Variants in PDCD10 observed in about 807,000 individuals in gnomAD.
PDCD10 encodes the protein programmed cell death protein 10.
A neutral mutation model predicts 29.2 loss-of-function variants in PDCD10; 4 were observed. The ratio of observed to expected loss-of-function variants is 0.14; its 90% CI spans 0.07 to 0.31. The LOEUF (loss-of-function observed/expected upper bound fraction) is 0.31, where lower values mean the gene tolerates loss of function less well. Among genes scored for constraint, PDCD10 ranks in the 10% least tolerant of loss-of-function variants. The pLI is 1.00. For synonymous variants in PDCD10, 70 were observed against 82.2 expected (o/e 0.85, Z 0.80); for missense variants, 183 against 257.9 (o/e 0.71, Z 1.99).
chr3:167,687,401 C>A, intron 7 of PDCD10, 85 bp from the exon 8 acceptor site: 1 of 846,306 alleles, frequency 1.2e-6, no homozygotes, highest in Non-Finnish European at 2.0e-6. Context: ...AGAGATTACA[C>A]AGGATATGGG....
chr3:167,700,522 C>A (rs941602864), intron 4 of PDCD10, among the ~76,000 whole-genome samples: 1 of 151,782 alleles, frequency 6.6e-6, no homozygotes, highest in African/African-American at 2.4e-5. Context: ...AAAGCCATTG[C>A]TGCAGCTACA....
At chr3:167,694,825 C>T (rs762127841) in intron 6 of PDCD10, among the ~76,000 whole-genome samples, 1 of 152,240 alleles carries the variant, frequency 6.6e-6, no homozygotes, top group Non-Finnish European at 1.5e-5. Flanking sequence ...GTCACAGCCT[C>T]TTCCAGAAAA....
At chr3:167,687,042 C>G (rs145136193) in intron 8 of PDCD10, among the ~76,000 whole-genome samples, 192 bp downstream of exon 8, 2 of 152,288 alleles carry the variant, frequency 1.3e-5, no homozygotes, top group East Asian at 3.9e-4. Flanking sequence ...CGTCTGATAA[C>G]TCCTGTTCTA....
At chr3:167,705,486 A>G (rs772164858) in intron 3 of PDCD10, among the ~76,000 whole-genome samples, 1 of 152,194 alleles carries the variant, frequency 6.6e-6, no homozygotes. Context: ...TTGAGGCAAC[A>G]AAAGTGTAAG....
At chr3:167,703,991 C>A (rs1318944387) in intron 4 of PDCD10, among the ~76,000 whole-genome samples, 1 of 152,096 alleles carries the variant, frequency 6.6e-6, no homozygotes, top group Non-Finnish European at 1.5e-5. Flanking sequence ...CTGACCTAGT[C>A]TTATTTTTAA....
chr3:167,687,087 T>C (rs1255243395), intron 8 of PDCD10, 147 bp downstream of exon 8: 3 of 563,914 alleles, frequency 5.3e-6, no homozygotes, highest in Non-Finnish European at 9.5e-6. Context: ...AACCATTCAT[T>C]TTCTATTGTT....
intron 3 of PDCD10, among the ~76,000 whole-genome samples, chr3:167,714,248 A>G (rs1033933436): frequency 4.6e-5 from 7 of 152,166 alleles, no homozygotes; most frequent in African/African-American, 1.7e-4. Flanking sequence ...AAATCAATCA[A>G]TGTGATACAT....
intron 5 of PDCD10, among the ~76,000 whole-genome samples, chr3:167,696,389 A>G (rs1720809050): frequency 6.6e-6 from 1 of 152,166 alleles, no homozygotes; most frequent in Non-Finnish European, 1.5e-5. Context: ...CAAATGCTCA[A>G]CTCTAAATAA....
intron 4 of PDCD10, chr3:167,698,002 AAC>A (rs1422582251): frequency 2.2e-6 from 1 of 456,464 alleles, no homozygotes; most frequent in African/African-American, 2.0e-5. Flanking sequence ...GCAAAATAGA[AAC>A]ACAATTTACG....
intron 3 of PDCD10, 74 bp downstream of exon 3, chr3:167,719,988 A>T (rs1397103991): frequency 9.9e-7 from 1 of 1,009,272 alleles, no homozygotes; most frequent in East Asian, 2.4e-5. Context: ...ATACAAAAGA[A>T]CAAGCAGACG....
chr3:167,728,236 T>TA (rs199510641), intron 2 of PDCD10, among the ~76,000 whole-genome samples: 42,178 of 130,788 alleles, frequency 0.32, 6,012 homozygotes, highest in African/African-American at 0.4. Flanking sequence ...CAGTTCTCAA[T>TA]AAAAAAAAAA....
intron 3 of PDCD10, among the ~76,000 whole-genome samples, chr3:167,713,930 A>T (rs1374447766): frequency 6.6e-6 from 1 of 152,024 alleles, no homozygotes; most frequent in Non-Finnish European, 1.5e-5. Flanking sequence ...CAGTAAAGAA[A>T]AGCCCAGGAT....
chr3:167,708,376 T>C (rs1354093464), intron 3 of PDCD10, among the ~76,000 whole-genome samples: 2 of 152,176 alleles, frequency 1.3e-5, no homozygotes, highest in South Asian at 2.1e-4. Flanking sequence ...TTGTTTGTTT[T>C]AAAGGTCAAA....
At chr3:167,721,249 T>C (rs1723528886) in intron 2 of PDCD10, among the ~76,000 whole-genome samples, 2 of 152,122 alleles carry the variant, frequency 1.3e-5, no homozygotes, top group Non-Finnish European at 2.9e-5. Flanking sequence ...TTTAAAAAAC[T>C]GCAATTCTAA....
chr3:167,732,480 C>G (rs1470317682), intron 2 of PDCD10, among the ~76,000 whole-genome samples: 1 of 152,174 alleles, frequency 6.6e-6, no homozygotes, highest in African/African-American at 2.4e-5. Flanking sequence ...TCTGTGAACT[C>G]CTAATTATCC....
At chr3:167,691,840 CA>C (rs2108389928) in intron 6 of PDCD10, among the ~76,000 whole-genome samples, 1 of 152,280 alleles carries the variant, frequency 6.6e-6, no homozygotes, top group South Asian at 2.1e-4. Context: ...CCAGCTCTAC[CA>C]CTTAATAGGT....
chr3:167,687,918 T>C (rs1241330766), intron 6 of PDCD10, among the ~76,000 whole-genome samples: 1 of 152,182 alleles, frequency 6.6e-6, no homozygotes, highest in African/African-American at 2.4e-5. Context: ...TCTCTTGCAC[T>C]GCTGACCAAA....
intron 6 of PDCD10, among the ~76,000 whole-genome samples, chr3:167,692,110 T>G (rs886753832): frequency 1.6e-4 from 24 of 152,298 alleles, no homozygotes; most frequent in African/African-American, 5.8e-4. Context: ...AAGTACACGA[T>G]TATCAAAGCA....
intron 2 of PDCD10, among the ~76,000 whole-genome samples, chr3:167,733,380 CT>C (rs1384864093): frequency 6.6e-6 from 1 of 152,174 alleles, no homozygotes; most frequent in Non-Finnish European, 1.5e-5. Context: ...GAGGATAAGA[CT>C]TGCATAAAGG....
Sources: gnomAD v4.1 joint callset for allele counts (sites outside exome capture counted in the v4.1 genomes callset) on GRCh38, gnomAD v4.1.1 for gene constraint, MANE v1.5 for transcripts, NCBI Gene and HGNC (gene_info 2026-07-23, HGNC 2026-07-21) for gene names.